The following SYT6 variants were observed in gnomAD, a reference collection of about 807,000 sequenced individuals.
SYT6 encodes synaptotagmin 6.
Under a neutral mutation model 38.4 loss-of-function variants are expected in SYT6, and 24 were observed. The observed-to-expected ratio is 0.62, with a 90% CI of 0.45 to 0.88. The LOEUF (loss-of-function observed/expected upper bound fraction) is 0.88, where lower values mean the gene tolerates loss of function less well. SYT6 is among the 40% of genes least tolerant of loss of function. The pLI is 0.00. For synonymous variants in SYT6, 265 were observed against 241.9 expected (o/e 1.10, Z -0.89); for missense variants, 611 against 621.0 (o/e 0.98, Z 0.17).
intron 4 of SYT6, among the ~76,000 whole-genome samples, chr1:114,101,736 C>T (rs1330102623): frequency 7.2e-5 from 11 of 152,152 alleles, no homozygotes; most frequent in African/African-American, 4.8e-5. Flanking sequence ...AGATCTAGTT[C>T]GAGAGGCTCC....
chr1:114,114,875 G>C (rs766206990), intron 3 of SYT6, among the ~76,000 whole-genome samples: 1 of 152,148 alleles, frequency 6.6e-6, no homozygotes, highest in Non-Finnish European at 1.5e-5. Context: ...CACAAGCAAG[G>C]GTTCTGAAGG....
chr1:114,129,592 CTTT>C (rs1677982628), intron 3 of SYT6, among the ~76,000 whole-genome samples: 1 of 92,088 alleles, frequency 1.1e-5, no homozygotes, highest in African/African-American at 4.1e-5. Context: ...TTCTTTCTTT[CTTT>C]CTTTCTTTCT....
At position 114,089,387 on chromosome 1, in the gene SYT6, G is replaced by A. The variant is rs1202697134; in HGVS notation, c.*2747C>T. On this transcript the variant is annotated 3_prime_UTR_variant, in exon 8 of 8. Coordinates refer to ENST00000610222, the MANE Select transcript of SYT6 (RefSeq NM_001253772.2). ...TAATTAACAACATAATATTTTAAAT[G>A]ACAGTGCAATTAATTAACGTCCTGG... 6.5e-6 allele frequency: 1 copy of A among 152,728 alleles called. No homozygotes were observed. The highest frequency in any genetic ancestry group is 1.5e-5 in the Non-Finnish European group (1 of 68,034). The allele number at this position is 152,728 out of a possible 1,614,324, so 9.5% of individuals were successfully genotyped here. A position where few individuals can be genotyped will look rare whatever the true frequency, so the allele number is the denominator to read the frequency against.
chr1:114,125,704 C>T (rs929965695), intron 3 of SYT6, among the ~76,000 whole-genome samples: 1 of 152,174 alleles, frequency 6.6e-6, no homozygotes, highest in Non-Finnish European at 1.5e-5. Flanking sequence ...CTGACCTATA[C>T]TCTACAGCTC....
In SYT6 at chr1:114,089,463, A is replaced by G. The variant is rs1198247472; in HGVS notation, c.*2671T>C. On this transcript the variant is annotated 3_prime_UTR_variant, in exon 8 of 8. Transcript: ENST00000610222. ...TCTTTCAGCCCGGAAACACTGCTAA[A>G]TAAAGGAGAAGGGAACTTTTCATGT... 1 of 152,642 alleles carries G rather than the reference A, an allele frequency of 6.6e-6. No homozygotes were observed. Among genetic ancestry groups the G allele is most frequent in the Non-Finnish European group, 1.5e-5 (1 of 68,046 alleles). 9.5% of individuals were successfully genotyped at this position (152,642 alleles called of 1,614,324 possible). A position where few individuals can be genotyped will look rare whatever the true frequency, so the allele number is the denominator to read the frequency against.
rs1340681880 is a variant in SYT6 at position 114,126,266 on chromosome 1, A to C, written c.1071+11229T>G. Among the ~76,000 whole-genome samples, 3 of 151,780 alleles carry C rather than the reference A, an allele frequency of 2.0e-5. No homozygotes were observed. In the East Asian group the frequency reaches 5.8e-4, roughly 29 times the overall value. ...TCCGAGGCTCTTTCTAGCTCTGACC[A>C]CCCCCAAGTCCATGAAAATATGGAG... On this transcript the variant is annotated intron_variant, in intron 3 of 7. Coordinates refer to ENST00000610222, the MANE Select transcript of SYT6 (RefSeq NM_001253772.2).
At chr1:114,127,437 C>A (rs1677812098) in intron 3 of SYT6, among the ~76,000 whole-genome samples, 1 of 152,182 alleles carries the variant, frequency 6.6e-6, no homozygotes, top group Admixed American at 6.5e-5. Flanking sequence ...GCCTTGGCCC[C>A]TTGGGCAGTC....
intron 4 of SYT6, among the ~76,000 whole-genome samples, chr1:114,100,803 C>A (rs938570464): frequency 2.0e-5 from 3 of 152,164 alleles, no homozygotes; most frequent in Admixed American, 6.5e-5. Flanking sequence ...AGAGCTAGCC[C>A]CAATACCTGT....
chr1:114,136,431 C>G (rs749539329), intron 3 of SYT6, among the ~76,000 whole-genome samples: 1 of 152,316 alleles, frequency 6.6e-6, no homozygotes, highest in East Asian at 1.9e-4. Context: ...GGGAATGCCC[C>G]CACTGAGCTC....
At chr1:114,133,532 G>A (rs1050804881) in intron 3 of SYT6, among the ~76,000 whole-genome samples, 1 of 152,194 alleles carries the variant, frequency 6.6e-6, no homozygotes, top group Non-Finnish European at 1.5e-5. Flanking sequence ...AGCTCTGGTT[G>A]GAGAGACAGT....
intron 3 of SYT6, among the ~76,000 whole-genome samples, chr1:114,127,742 AC>A (rs1335610551): frequency 2.0e-5 from 3 of 152,180 alleles, no homozygotes; most frequent in Admixed American, 1.3e-4. Context: ...GAGAGGTCCC[AC>A]CCATCTCTGC....
intron 6 of SYT6, among the ~76,000 whole-genome samples, chr1:114,096,651 G>T (rs926640164): frequency 6.6e-6 from 1 of 152,208 alleles, no homozygotes; most frequent in African/African-American, 2.4e-5. Flanking sequence ...AGGTTCTATG[G>T]GTTTGCAGAC....
At chr1:114,117,805 C>T (rs1169734257) in intron 3 of SYT6, among the ~76,000 whole-genome samples, 2 of 152,252 alleles carry the variant, frequency 1.3e-5, no homozygotes, top group Non-Finnish European at 2.9e-5. Context: ...GGGCAAGTCA[C>T]TGTGCCTCCC....
intron 3 of SYT6, among the ~76,000 whole-genome samples, chr1:114,105,313 C>CT (rs979122995): frequency 4.6e-5 from 7 of 150,542 alleles, no homozygotes; most frequent in East Asian, 2.0e-4. Context: ...CCTGTTCCCC[C>CT]CCTGGAGAAT....
intron 3 of SYT6, among the ~76,000 whole-genome samples, chr1:114,135,958 C>CA: frequency 6.6e-6 from 1 of 152,304 alleles, no homozygotes; most frequent in East Asian, 1.9e-4. Flanking sequence ...GTGGAGCGCT[C>CA]GGGCCTGGGG....
intron 3 of SYT6, among the ~76,000 whole-genome samples, chr1:114,114,143 T>A (rs1464094267): frequency 2.0e-5 from 3 of 152,182 alleles, no homozygotes; most frequent in Non-Finnish European, 4.4e-5. Context: ...AGGACAGATC[T>A]GGGTCTGTTT....
chr1:114,089,941 G>A lies in SYT6; in HGVS notation c.*2193C>T, dbSNP rs1021634687. On this transcript the variant is annotated 3_prime_UTR_variant, in exon 8 of 8. Coordinates refer to ENST00000610222, the MANE Select transcript of SYT6 (RefSeq NM_001253772.2). ...AATGTCTCAGATGAGCAATACTATT[G>A]TGATTCACATTGATCACACTCCCTT... The A allele has an allele frequency of 6.6e-6, 1 of 152,350 alleles. No individual in the cohort carries two copies. Among genetic ancestry groups the A allele is most frequent in the Admixed American group, 6.5e-5 (1 of 15,270 alleles). 9.4% of individuals were successfully genotyped at this position (152,350 alleles called of 1,614,324 possible). A position where few individuals can be genotyped will look rare whatever the true frequency, so the allele number is the denominator to read the frequency against.
chr1:114,092,097 A>G lies in SYT6; in HGVS notation c.*52-15T>C. On this transcript the variant is annotated splice_polypyrimidine_tract_variant and intron_variant, in intron 7 of 7. Coordinates refer to ENST00000610222, the MANE Select transcript of SYT6 (RefSeq NM_001253772.2). ...CGGCCCTGCCACTGCAAAGAGGAGA[A>G]CAATCTGTTTATTAATTGCTAAAGG... The G allele has an allele frequency of 6.5e-7, 1 of 1,535,906 alleles. No individual in the cohort carries two copies. The highest frequency in any genetic ancestry group is 2.0e-5 in the Admixed American group (1 of 50,964).
chr1:114,110,093 G>C (rs1197091087), intron 3 of SYT6, among the ~76,000 whole-genome samples: 2 of 152,228 alleles, frequency 1.3e-5, no homozygotes, highest in Non-Finnish European at 2.9e-5. Context: ...ATACTTGGGA[G>C]TTTGTCCTTG....
Sources: allele counts gnomAD v4.1 joint callset (sites outside exome capture counted in the v4.1 genomes callset), GRCh38; gene constraint gnomAD v4.1.1; transcripts MANE v1.5; gene names NCBI Gene and HGNC (gene_info 2026-07-23, HGNC 2026-07-21).